DIS3: variants seen among roughly 807,000 people sequenced by gnomAD.
DIS3 encodes DIS3 exosome endoribonuclease and 3'-5' exoribonuclease.
Under a neutral mutation model 113.0 loss-of-function variants are expected in DIS3, and 103 were observed. That is an observed-to-expected ratio of 0.91 (90% CI 0.78 to 1.07). The LOEUF (loss-of-function observed/expected upper bound fraction) is 1.07. Ranked by LOEUF, DIS3 falls within the 50% of genes least tolerant of loss-of-function variation. The pLI, the probability that DIS3 is intolerant of heterozygous loss-of-function variation, is 0.00. For missense variants in DIS3, 1,121 were observed against 1,167.1 expected (o/e 0.96, Z 0.58); for synonymous variants, 402 against 394.3 (o/e 1.02, Z -0.23).
Position 72,759,504 on chromosome 13 carries a change from C to G in DIS3, c.*291G>C, listed in dbSNP as rs915497885. On this transcript the variant is annotated 3_prime_UTR_variant, in exon 21 of 21. Transcript: ENST00000377767. The stretch of plus-strand genomic sequence containing the variant: ...TTAATCTGCTCCTCAATGAGATGAG[C>G]ACTCCATTTAAATGATCTTTACAGA... The G allele has an allele frequency of 2.6e-5, 7 of 273,360 alleles. No homozygotes were observed. The Admixed American group carries it at 3.6e-4, about 14-fold the overall frequency. The allele number at this position is 273,360 out of a possible 1,614,324, so 16.9% of individuals were successfully genotyped here. A position where few individuals can be genotyped will look rare whatever the true frequency, so the allele number is the denominator to read the frequency against.
At chr13:72,764,133 C>G (rs1272416504) in intron 15 of DIS3, among the ~76,000 whole-genome samples, 7 of 152,068 alleles carry the variant, frequency 4.6e-5, no homozygotes, top group Non-Finnish European at 8.8e-5. Context: ...GGCTGGGTGA[C>G]AGAGCAAGAC....
rs1223529024 is a variant in DIS3, at chr13:72,761,983, T to A, written c.2282A>T (p.Asp761Val). 1.2e-6 allele frequency: 2 copies of A among 1,614,120 alleles called. No individual in the cohort carries two copies. Among genetic ancestry groups the A allele is most frequent in the South Asian group, 2.2e-5 (2 of 91,080 alleles). ...AVYFCSGMDN[D>V]FHHYGLASPI... is the part of the protein sequence containing the mutation. Reference sequence around the variant, plus strand: ...AGACGCTAAGCCATAGTGATGAAAATCATTATCCATTCCAGAACAGAAGTA... The same window carrying A: ...AGACGCTAAGCCATAGTGATGAAAAACATTATCCATTCCAGAACAGAAGTA... Residue 761 changes from aspartate (D) to valine (V), a missense_variant, in exon 17 of 21, where the codon GAT (aspartate) becomes GTT (valine). By Grantham distance (152) the Asp-to-Val change is radical. Coordinates refer to ENST00000377767, the MANE Select transcript of DIS3 (RefSeq NM_014953.5).
Position 72,775,363 on chromosome 13 carries a change from CCTGTAAGATTAT to C in DIS3, c.823_834del (p.Ile275_Gln278del). 1 of 1,601,048 alleles carries C rather than the reference CCTGTAAGATTAT, an allele frequency of 6.2e-7. No homozygotes were observed. The highest frequency in any genetic ancestry group is 1.1e-5 in the South Asian group (1 of 88,100). On this transcript the variant is annotated inframe_deletion and splice_region_variant, in exon 6 of 21. Transcript: ENST00000377767. Reference sequence around the variant, plus strand: ...ACAGCTCTGTTTAAATGTTTAAGTCCCTGTAAGATTATCTGTTTAAAACAACAGAGGGCACGT... The same window carrying C: ...ACAGCTCTGTTTAAATGTTTAAGTCCCTGTTTAAAACAACAGAGGGCACGT...
In DIS3 at chr13:72,775,390, A is replaced by G. The variant is rs768186457; in HGVS notation, c.823-15T>C. 6.3e-7 allele frequency: 1 copy of G among 1,578,890 alleles called. No individual in the cohort carries two copies. Among genetic ancestry groups the G allele is most frequent in the South Asian group, 1.2e-5 (1 of 84,610 alleles). On this transcript the variant is annotated splice_polypyrimidine_tract_variant and intron_variant, in intron 5 of 20. Transcript: ENST00000377767. Reference sequence around the variant, plus strand: ...TGTAAGATTATCTGTTTAAAACAACAGAGGGCACGTGCCCAAATTATTTTT... The same window carrying G: ...TGTAAGATTATCTGTTTAAAACAACGGAGGGCACGTGCCCAAATTATTTTT...
At chr13:72,767,079 T>C (rs1348934645) in intron 14 of DIS3, among the ~76,000 whole-genome samples, 1 of 152,176 alleles carries the variant, frequency 6.6e-6, no homozygotes, top group Non-Finnish European at 1.5e-5. Context: ...CTTATCACAT[T>C]TTGATCATTT....
In DIS3 at chr13:72,775,961, T is replaced by G. The variant is rs548520533; in HGVS notation, c.786A>C (p.Thr262=). 1.4e-5 allele frequency: 23 copies of G among 1,611,630 alleles called. No individual in the cohort carries two copies. In the South Asian group the frequency reaches 2.3e-4, roughly 16 times the overall value. Residue 262 remains threonine (T), a synonymous_variant, in exon 5 of 21, where the codon ACA becomes ACC. Coordinates refer to ENST00000377767, the MANE Select transcript of DIS3 (RefSeq NM_014953.5). The stretch of plus-strand genomic sequence containing the variant: ...CTTCATTGTCGCCATGAATCCATAC[T>G]GTAGCTTCCAAGTAATTTTCCCTGC... ...RASRENYLEA[T]VWIHGDNEEN... is the part of the protein sequence containing the mutation.
At chr13:72,781,090 A>G in intron 1 of DIS3, 87 bp from the exon 2 acceptor site, 1 of 1,429,338 alleles carries the variant, frequency 7.0e-7, no homozygotes, top group South Asian at 1.3e-5. Context: ...TTGGGCATAA[A>G]TACTTTATGT....
Position 72,753,773 on chromosome 13 carries a change from T to A in DIS3, c.*6022A>T. On this transcript the variant is annotated 3_prime_UTR_variant, in exon 21 of 21. Coordinates refer to ENST00000377767, the MANE Select transcript of DIS3 (RefSeq NM_014953.5). ...CAGAAAGTTACTGCAAAGAAAGTGA[T>A]GCACAAACATGTGAAGTTGAGAGTA... 1 of 1,613,552 alleles carries A rather than the reference T, an allele frequency of 6.2e-7. No individual in the cohort carries two copies. Among genetic ancestry groups the A allele is most frequent in the Non-Finnish European group, 8.5e-7 (1 of 1,179,626 alleles).
Position 72,775,062 on chromosome 13 carries a change from G to C in DIS3, c.987+149C>G, listed in dbSNP as rs1312992386. 4.7e-6 allele frequency: 4 copies of C among 857,298 alleles called. No homozygotes were observed. In the East Asian group the frequency reaches 8.9e-5, roughly 19 times the overall value. The allele number at this position is 857,298 out of a possible 1,614,324, so 53.1% of individuals were successfully genotyped here. A position where few individuals can be genotyped will look rare whatever the true frequency, so the allele number is the denominator to read the frequency against. ...CAATAAAAGAAAACTACATAGAAGA[G>C]AAAAAAACCATGTGTATGACATGCG... is the stretch of plus-strand genomic sequence containing the variant. On this transcript the variant is annotated intron_variant, in intron 6 of 20. Coordinates refer to ENST00000377767, the MANE Select transcript of DIS3 (RefSeq NM_014953.5).
At position 72,763,685 on chromosome 13, in the gene DIS3, CT is replaced by C. The variant is rs2033683199; in HGVS notation, c.1971-79del. Reference sequence around the variant, plus strand: ...TATATCATATTTTTTCACAGGTTACCTTTGTTACCAAGAAGATAATAAGAGC... The same window carrying C: ...TATATCATATTTTTTCACAGGTTACCTTGTTACCAAGAAGATAATAAGAGC... On this transcript the variant is annotated intron_variant, in intron 15 of 20. Coordinates refer to ENST00000377767, the MANE Select transcript of DIS3 (RefSeq NM_014953.5). 4.3e-6 allele frequency: 6 copies of C among 1,393,206 alleles called. No individual in the cohort carries two copies. The South Asian group carries it at 4.4e-5, about 10-fold the overall frequency. The allele number at this position is 1,393,206 out of a possible 1,614,324, so 86.3% of individuals were successfully genotyped here. A position where few individuals can be genotyped will look rare whatever the true frequency, so the allele number is the denominator to read the frequency against.
chr13:72,765,074 C>A (rs982859144), intron 15 of DIS3, among the ~76,000 whole-genome samples: 10 of 152,020 alleles, frequency 6.6e-5, no homozygotes, highest in Non-Finnish European at 1.5e-4. Flanking sequence ...ATGTTGAATT[C>A]CAAAATTACC....
At chr13:72,780,776 T>C (rs1227534996) in intron 2 of DIS3, 70 bp downstream of exon 2, 1 of 1,387,856 alleles carries the variant, frequency 7.2e-7, no homozygotes, top group Non-Finnish European at 9.9e-7. Context: ...CATAAATTAC[T>C]CACAGGAACC....
At position 72,781,823 on chromosome 13, in the gene DIS3, A is replaced by C. The variant is rs1213608536; in HGVS notation, c.10T>G (p.Ser4Ala). The C allele has an allele frequency of 3.1e-6, 5 of 1,589,346 alleles. No individual in the cohort carries two copies. Among genetic ancestry groups the C allele is most frequent in the Admixed American group, 1.7e-5 (1 of 57,478 alleles). The change falls in exon 1 of 21, where the codon TCC (serine) becomes GCC (alanine). Residue 4 changes from serine to alanine, a missense_variant. By Grantham distance (99) the Ser-to-Ala change is moderately conservative. This residue lies in a region of DIS3 where 254 missense variants were observed against 232.2 expected (regional missense o/e 1.09). Transcript: ENST00000377767. The stretch of plus-strand genomic sequence containing the variant: ...CGGGTCTTTTTTAAGAACGTCTTGG[A>C]CTTGAGCATCTTGCCTCGCCGCGCA... MLK[S>A]KTFLKKTRAG...
At chr13:72,769,699 GTC>G (rs1439245977) in intron 13 of DIS3, among the ~76,000 whole-genome samples, 2 of 152,078 alleles carry the variant, frequency 1.3e-5, no homozygotes, top group African/African-American at 4.8e-5. Flanking sequence ...TACTGACCAA[GTC>G]TTAAAGAATT....
Position 72,765,971 on chromosome 13 carries a change from C to A in DIS3, c.1970+1G>T. ...TAATGCCCATCAAAAAAATTACAAA[C>A]CTAAGTTCCTTGGTCTGCAGATCTA... is the stretch of plus-strand genomic sequence containing the variant. On this transcript the variant is annotated splice_donor_variant, in intron 15 of 20. Coordinates refer to ENST00000377767, the MANE Select transcript of DIS3 (RefSeq NM_014953.5). LOFTEE classifies it high-confidence loss of function. 2 of 1,595,980 alleles carry A rather than the reference C, an allele frequency of 1.3e-6. No individual in the cohort carries two copies. The highest frequency in any genetic ancestry group is 1.7e-6 in the Non-Finnish European group (2 of 1,172,032).
chr13:72,780,269 T>C (rs919986746), intron 2 of DIS3, among the ~76,000 whole-genome samples: 3 of 128,314 alleles, frequency 2.3e-5, no homozygotes, highest in Non-Finnish European at 4.6e-5. Flanking sequence ...GAGGTTGCAG[T>C]GAGCAGAGAT....
chr13:72,772,282 G>T lies in DIS3; in HGVS notation c.1387-7C>A. The T allele has an allele frequency of 6.3e-7, 1 of 1,575,418 alleles. No individual in the cohort carries two copies. Among genetic ancestry groups the T allele is most frequent in the Non-Finnish European group, 8.7e-7 (1 of 1,155,492 alleles). On this transcript the variant is annotated splice_polypyrimidine_tract_variant and splice_region_variant and intron_variant, in intron 9 of 20. Transcript: ENST00000377767. ...CTTCTCGGTTTTTCATGTCCTAGAA[G>T]ACATGAAATGATAAACAAATAAATT...
At chr13:72,778,861 C>T (rs2034086933) in intron 2 of DIS3, among the ~76,000 whole-genome samples, 1 of 152,092 alleles carries the variant, frequency 6.6e-6, no homozygotes, top group South Asian at 2.1e-4. Context: ...ATGGTAAACA[C>T]TAATAGCTGA....
intron 13 of DIS3, 54 bp downstream of exon 13, chr13:72,770,850 T>C (rs2033868574): frequency 1.5e-6 from 2 of 1,311,654 alleles, no homozygotes; most frequent in South Asian, 3.1e-5. Context: ...TTAGCTTTTT[T>C]CAAAAAAGTA....
Sources: gnomAD v4.1 joint callset for allele counts (sites outside exome capture counted in the v4.1 genomes callset) on GRCh38, gnomAD v4.1.1 for gene constraint, gnomAD v4.1.1 regional missense constraint, MANE v1.5 for transcripts, NCBI Gene and HGNC (gene_info 2026-07-23, HGNC 2026-07-21) for gene names.